Variants in TMEM50A observed in about 807,000 individuals in gnomAD.
TMEM50A encodes cervical cancer oncogene 9.
A neutral mutation model predicts 23.9 loss-of-function variants in TMEM50A; 8 were observed. That is an observed-to-expected ratio of 0.33 (90% CI 0.20 to 0.60). The LOEUF is 0.60. Among genes scored for constraint, TMEM50A ranks in the 20% least tolerant of loss-of-function variants. TMEM50A has a pLI of 0.81. For synonymous variants in TMEM50A, 55 were observed against 60.4 expected (o/e 0.91, Z 0.41); for missense variants, 178 against 192.7 (o/e 0.92, Z 0.45).
Position 25,340,537 on chromosome 1 carries a change from G to C in TMEM50A, c.51G>C (p.Gly17=). The part of the protein sequence containing the change: ...GLRCSECIDW[G]EKRNTIASIA... ...GATGCTCAGAATGCATTGACTGGGGGGAAAAGCGCAATACTATTGCTTCCA... is the reference window on the plus strand; with the variant it reads ...GATGCTCAGAATGCATTGACTGGGGCGAAAAGCGCAATACTATTGCTTCCA... Residue 17 remains glycine (G), a synonymous_variant, in exon 2 of 7, where the codon GGG becomes GGC. Transcript: ENST00000374358. The C allele has an allele frequency of 6.2e-7, 1 of 1,613,678 alleles. No individual in the cohort carries two copies. The highest frequency in any genetic ancestry group is 8.5e-7 in the Non-Finnish European group (1 of 1,179,896).
chr1:25,352,168 T>C (rs748414251), intron 4 of TMEM50A, among the ~76,000 whole-genome samples: 8 of 152,100 alleles, frequency 5.3e-5, no homozygotes, highest in Non-Finnish European at 7.4e-5. Context: ...TTTTTTACTG[T>C]ATGTCTGTGT....
At chr1:25,347,459 C>T (rs1645230887) in intron 3 of TMEM50A, among the ~76,000 whole-genome samples, 1 of 152,146 alleles carries the variant, frequency 6.6e-6, no homozygotes, top group Non-Finnish European at 1.5e-5. Flanking sequence ...TGGTCTCGAA[C>T]TCCTGACCTC....
chr1:25,356,877 T>TGG, intron 6 of TMEM50A, 24 bp downstream of exon 6: 1 of 1,538,862 alleles, frequency 6.5e-7, no homozygotes. Flanking sequence ...GCATTCTTTA[T>TGG]GTTTGTTTGT....
At chr1:25,350,306 A>G (rs970949085) in intron 3 of TMEM50A, among the ~76,000 whole-genome samples, 29 of 152,240 alleles carry the variant, frequency 1.9e-4, no homozygotes, top group African/African-American at 6.8e-4. Context: ...TCTGATACAT[A>G]CAAATGGAAT....
intron 3 of TMEM50A, among the ~76,000 whole-genome samples, chr1:25,345,223 C>T (rs1391308585): frequency 6.6e-6 from 1 of 151,288 alleles, no homozygotes; most frequent in Non-Finnish European, 1.5e-5. Flanking sequence ...GGCGGGCAGA[C>T]CACCTGAGGT....
At chr1:25,355,286 T>C (rs946802161) in intron 5 of TMEM50A, among the ~76,000 whole-genome samples, 2 of 151,686 alleles carry the variant, frequency 1.3e-5, no homozygotes, top group African/African-American at 4.8e-5. Flanking sequence ...GCAGCCTGGG[T>C]AACAGTGGGA....
chr1:25,362,063 A>AGG lies in TMEM50A; in HGVS notation c.*1359_*1360insGG. On this transcript the variant is annotated 3_prime_UTR_variant, in exon 7 of 7. Coordinates refer to ENST00000374358, the MANE Select transcript of TMEM50A (RefSeq NM_014313.4). ...AACCTCTTTCCCCACAGTGCAATTC[A>AGG]GAATATGCTCAGGGAATGCCAGCCA... 3.4e-6 allele frequency: 1 copy of AGG among 292,096 alleles called. No homozygotes were observed. The highest frequency in any genetic ancestry group is 6.6e-6 in the Non-Finnish European group (1 of 152,262). 18.1% of individuals were successfully genotyped at this position (292,096 alleles called of 1,614,324 possible). A position where few individuals can be genotyped will look rare whatever the true frequency, so the allele number is the denominator to read the frequency against.
chr1:25,362,350 CTCTT>C lies in TMEM50A; in HGVS notation c.*1646_*1649del. 1 of 1,388,546 alleles carries C rather than the reference CTCTT, an allele frequency of 7.2e-7. No individual in the cohort carries two copies. The highest frequency in any genetic ancestry group is 1.8e-4 in the Middle Eastern group (1 of 5,538). The allele number at this position is 1,388,546 out of a possible 1,614,324, so 86.0% of individuals were successfully genotyped here. ...ATTTATTTTAAACTTATTAAATTGA[CTCTT>C]AAACTAAGTTTTTAGTCTTTAATTT... On this transcript the variant is annotated 3_prime_UTR_variant, in exon 7 of 7. Transcript: ENST00000374358.
At chr1:25,352,797 T>C in intron 4 of TMEM50A, 85 bp from the exon 5 acceptor site, 1 of 1,315,750 alleles carries the variant, frequency 7.6e-7, no homozygotes, top group Admixed American at 2.5e-5. Flanking sequence ...CTTTTTTTTT[T>C]TCTGTTTGGG....
At chr1:25,341,770 T>G (rs1300035578) in intron 2 of TMEM50A, among the ~76,000 whole-genome samples, 3 of 152,282 alleles carry the variant, frequency 2.0e-5, no homozygotes, top group African/African-American at 2.4e-5. Context: ...TCACTGCTCA[T>G]TGCAACCTCG....
rs78693179 is a variant in TMEM50A, at chr1:25,342,016, A to G, written c.94-945A>G. Among the ~76,000 whole-genome samples, 11 of 152,230 alleles carry G rather than the reference A, an allele frequency of 7.2e-5. 1 individual carries two copies. The East Asian group carries it at 1.4e-3, about 19-fold the overall frequency. On this transcript the variant is annotated intron_variant, in intron 2 of 6. Coordinates refer to ENST00000374358, the MANE Select transcript of TMEM50A (RefSeq NM_014313.4). ...TATTGCACCTGGCCAAAAAGCTTTG[A>G]GTTTTTAGTCTATGAAGAAAATATC...
At chr1:25,356,944 C>T (rs1645339567) in intron 6 of TMEM50A, 91 bp downstream of exon 6, 3 of 814,426 alleles carry the variant, frequency 3.7e-6, no homozygotes, top group African/African-American at 3.5e-5. Context: ...CCTAATTACT[C>T]ATCCAATGCC....
At chr1:25,353,915 T>C (rs1645305799) in intron 5 of TMEM50A, among the ~76,000 whole-genome samples, 1 of 152,236 alleles carries the variant, frequency 6.6e-6, no homozygotes, top group African/African-American at 2.4e-5. Flanking sequence ...GTTTCCTAAA[T>C]TTTTATTAAA....
chr1:25,341,875 TTTTG>T (rs1645172424), intron 2 of TMEM50A, among the ~76,000 whole-genome samples: 1 of 151,132 alleles, frequency 6.6e-6, no homozygotes, highest in African/African-American at 2.4e-5. Context: ...TTGTTTTTTT[TTTTG>T]TTTGTTTTTT....
At chr1:25,350,686 C>G (rs921669263) in intron 3 of TMEM50A, among the ~76,000 whole-genome samples, 1 of 152,148 alleles carries the variant, frequency 6.6e-6, no homozygotes, top group Non-Finnish European at 1.5e-5. Flanking sequence ...CCACGCCCAG[C>G]CTCGTTCCCA....
chr1:25,338,903 C>G (rs907489712), intron 1 of TMEM50A: 1 of 151,708 alleles, frequency 6.6e-6, no homozygotes, highest in African/African-American at 2.4e-5. Flanking sequence ...GCGTACCAGT[C>G]GTCGTGCAAA....
intron 5 of TMEM50A, among the ~76,000 whole-genome samples, chr1:25,354,274 A>T (rs1289173622): frequency 1.3e-5 from 2 of 152,076 alleles, no homozygotes; most frequent in Non-Finnish European, 2.9e-5. Flanking sequence ...ACAGGTGTGA[A>T]CCACTAGGCC....
At chr1:25,359,996 G>A (rs1342379649) in intron 6 of TMEM50A, among the ~76,000 whole-genome samples, 2 of 152,154 alleles carry the variant, frequency 1.3e-5, no homozygotes, top group African/African-American at 4.8e-5. Context: ...GAGGGCAGTG[G>A]CTTTGTATCT....
intron 5 of TMEM50A, among the ~76,000 whole-genome samples, chr1:25,355,182 A>G (rs899593996): frequency 2.6e-5 from 4 of 151,446 alleles, no homozygotes; most frequent in Non-Finnish European, 4.4e-5. Context: ...GGTGGCACAC[A>G]CCTCCAATCC....
Sources: allele counts gnomAD v4.1 joint callset (sites outside exome capture counted in the v4.1 genomes callset), GRCh38; gene constraint gnomAD v4.1.1; transcripts MANE v1.5; gene names NCBI Gene and HGNC (gene_info 2026-07-23, HGNC 2026-07-21).